TFAP2B: variants seen among roughly 807,000 people sequenced by gnomAD.
TFAP2B encodes transcription factor AP-2 beta.
A neutral mutation model predicts 44.3 loss-of-function variants in TFAP2B; 9 were observed. The observed-to-expected ratio is 0.20, with a 90% CI of 0.12 to 0.35. The LOEUF is 0.35. Among genes scored for constraint, TFAP2B ranks in the 10% least tolerant of loss-of-function variants. The pLI is 1.00. For missense variants in TFAP2B, 509 were observed against 600.0 expected (o/e 0.85, Z 1.59); for synonymous variants, 270 against 263.8 (o/e 1.02, Z -0.23).
intron 3 of TFAP2B, among the ~76,000 whole-genome samples, chr6:50,834,968 A>G (rs557828976): frequency 7.2e-5 from 11 of 152,348 alleles, no homozygotes; most frequent in African/African-American, 1.4e-4. Flanking sequence ...GTGAAGTCCA[A>G]GGGAAAATAC....
chr6:50,838,202 C>A, intron 5 of TFAP2B, 109 bp downstream of exon 5: 2 of 959,496 alleles, frequency 2.1e-6, no homozygotes, highest in Non-Finnish European at 3.4e-6. Context: ...GATTGTTGTG[C>A]TCTTATGAGC....
chr6:50,818,706 T>G (rs1344561497), upstream of TFAP2B: 1 of 605,432 alleles, frequency 1.7e-6, no homozygotes. Context: ...ATCTAACTCC[T>G]GTGTGTGCAA....
intron 1 of TFAP2B, among the ~76,000 whole-genome samples, chr6:50,822,814 A>C (rs912205675): frequency 6.6e-6 from 1 of 152,202 alleles, no homozygotes; most frequent in Non-Finnish European, 1.5e-5. Context: ...GGGAACTCAG[A>C]CCAGGTGGAT....
intron 5 of TFAP2B, among the ~76,000 whole-genome samples, chr6:50,838,316 C>T (rs981186547): frequency 3.3e-5 from 5 of 152,160 alleles, no homozygotes; most frequent in Non-Finnish European, 7.4e-5. Flanking sequence ...TTCCTGTGCT[C>T]TGAAAAGTGC....
chr6:50,828,013 G>A (rs1211530014), intron 2 of TFAP2B, among the ~76,000 whole-genome samples: 1 of 152,180 alleles, frequency 6.6e-6, no homozygotes, highest in East Asian at 1.9e-4. Context: ...CTGGGAGGGA[G>A]GGTAAATTGT....
In TFAP2B at chr6:50,828,557, A is replaced by G; in HGVS notation, c.541-62A>G. ...AGAAACTCCAGTTTGGAATAACATG[A>G]TTTATGTGTGCAATTCTTTAATATC... On this transcript the variant is annotated intron_variant, in intron 2 of 6. Transcript: ENST00000393655. 3 of 1,452,460 alleles carry G rather than the reference A, an allele frequency of 2.1e-6. No individual in the cohort carries two copies. The South Asian group carries it at 3.5e-5, about 17-fold the overall frequency. 90.0% of individuals were successfully genotyped at this position (1,452,460 alleles called of 1,614,324 possible). A position where few individuals can be genotyped will look rare whatever the true frequency, so the allele number is the denominator to read the frequency against.
rs1762800652 is a variant in TFAP2B at position 50,844,440 on chromosome 6, T to C, written c.*1048T>C. 1 of 152,626 alleles carries C rather than the reference T, an allele frequency of 6.6e-6. No homozygotes were observed. The highest frequency in any genetic ancestry group is 2.4e-5 in the African/African-American group (1 of 41,438). 9.5% of individuals were successfully genotyped at this position (152,626 alleles called of 1,614,324 possible). On this transcript the variant is annotated 3_prime_UTR_variant, in exon 7 of 7. Coordinates refer to ENST00000393655, the MANE Select transcript of TFAP2B (RefSeq NM_003221.4). Reference sequence around the variant, plus strand: ...TTCTTCAAAGAGGACTTGGGCTTCCTACACAATCTATAAGGTACAGAGAAA... The same window carrying C: ...TTCTTCAAAGAGGACTTGGGCTTCCCACACAATCTATAAGGTACAGAGAAA...
rs1041347331 is a variant in TFAP2B, at chr6:50,843,709, A to C, written c.*317A>C. On this transcript the variant is annotated 3_prime_UTR_variant, in exon 7 of 7. Transcript: ENST00000393655. ...ACCATGATTTCCCCTTCCCTTTGGA[A>C]AATAAACATAAGACTAAACATGAGA... The C allele has an allele frequency of 6.2e-5, 17 of 273,600 alleles. No individual in the cohort carries two copies. Among genetic ancestry groups the C allele is most frequent in the African/African-American group, 3.8e-4 (17 of 44,334 alleles). The allele number at this position is 273,600 out of a possible 1,614,324, so 16.9% of individuals were successfully genotyped here. A position where few individuals can be genotyped will look rare whatever the true frequency, so the allele number is the denominator to read the frequency against.
intron 2 of TFAP2B, among the ~76,000 whole-genome samples, chr6:50,825,953 C>A (rs533107191): frequency 6.6e-6 from 1 of 152,252 alleles, no homozygotes; most frequent in East Asian, 1.9e-4. Flanking sequence ...GATGACAGAC[C>A]TCCCAAGGCC....
intron 5 of TFAP2B, 60 bp downstream of exon 5, chr6:50,838,153 G>A: frequency 8.0e-7 from 1 of 1,242,474 alleles, no homozygotes; most frequent in Non-Finnish European, 1.2e-6. Context: ...GCTGGAGGCT[G>A]ACATTTTACA....
intron 3 of TFAP2B, among the ~76,000 whole-genome samples, chr6:50,835,647 T>C (rs1762604175): frequency 6.6e-6 from 1 of 152,120 alleles, no homozygotes; most frequent in Non-Finnish European, 1.5e-5. Flanking sequence ...CAGCACCAAA[T>C]GAGATAGGCA....
chr6:50,836,147 T>C lies in TFAP2B; in HGVS notation c.688T>C (p.Phe230Leu). The part of the protein sequence containing the change: ...GGMSVNTGEV[F>L]CSVPGRLSLL... Reference sequence around the variant, plus strand: ...CATGTCTGTCAACACCGGCGAGGTGTTTTGCTCCGTCCCAGGCCGTTTGTC... The same window carrying C: ...CATGTCTGTCAACACCGGCGAGGTGCTTTGCTCCGTCCCAGGCCGTTTGTC... The change falls in exon 4 of 7, where the codon TTT becomes CTT. Residue 230 changes from phenylalanine (F) to leucine (L), a missense_variant. By Grantham distance (22) the Phe-to-Leu change is conservative. This residue lies in a region of TFAP2B where 296 missense variants were observed against 308.2 expected (regional missense o/e 0.96). Coordinates refer to ENST00000393655, the MANE Select transcript of TFAP2B (RefSeq NM_003221.4). The C allele has an allele frequency of 6.2e-7, 1 of 1,614,096 alleles. No individual in the cohort carries two copies.
rs965191283 is a variant in TFAP2B, at chr6:50,837,735, CT to C, written c.822-231del. Among the ~76,000 whole-genome samples the C allele has an allele frequency of 8.6e-5, 13 of 151,314 alleles. No homozygotes were observed. In the East Asian group the frequency reaches 9.7e-4, roughly 11 times the overall value. On this transcript the variant is annotated intron_variant, in intron 4 of 6. Coordinates refer to ENST00000393655, the MANE Select transcript of TFAP2B (RefSeq NM_003221.4). ...CACCTAATTATTCCCATCTGGTATC[CT>C]TTTTTTTTCTTTTCTCACAAGATAA... is the stretch of plus-strand genomic sequence containing the variant.
At chr6:50,825,615 T>G (rs1770480912) in intron 2 of TFAP2B, among the ~76,000 whole-genome samples, 1 of 152,190 alleles carries the variant, frequency 6.6e-6, no homozygotes, top group Non-Finnish European at 1.5e-5. Context: ...CAGTGCACAT[T>G]TGGGAGAATA....
At position 50,828,664 on chromosome 6, in the gene TFAP2B, T is replaced by A. The variant is rs1249433036; in HGVS notation, c.586T>A (p.Ser196Thr). ...CAGCGGCATGAATCTATTGGACCAGTCTGTCATTAAAAAAGGTATGGATAA... is the reference window on the plus strand; with the variant it reads ...CAGCGGCATGAATCTATTGGACCAGACTGTCATTAAAAAAGGTATGGATAA... ...NNSGMNLLDQ[S>T]VIKKVPVPPK... The change falls in exon 3 of 7, where the codon TCT (serine) becomes ACT (threonine). Residue 196 changes from serine to threonine, a missense_variant. Transcript: ENST00000393655. The A allele has an allele frequency of 1.2e-6, 2 of 1,614,088 alleles. No individual in the cohort carries two copies. The highest frequency in any genetic ancestry group is 1.7e-6 in the Non-Finnish European group (2 of 1,179,974).
chr6:50,837,875 A>G lies in TFAP2B; in HGVS notation c.822-100A>G. 9 of 979,078 alleles carry G rather than the reference A, an allele frequency of 9.2e-6. No homozygotes were observed. The South Asian group carries it at 1.0e-4, about 11-fold the overall frequency. The allele number at this position is 979,078 out of a possible 1,614,324, so 60.6% of individuals were successfully genotyped here. A position where few individuals can be genotyped will look rare whatever the true frequency, so the allele number is the denominator to read the frequency against. On this transcript the variant is annotated intron_variant, in intron 4 of 6. Transcript: ENST00000393655. ...GGGAAAAATGTGCTAACCTCAAGTTAAAACCTCTTCAAGCTCCACTGGGCT... is the reference window on the plus strand; with the variant it reads ...GGGAAAAATGTGCTAACCTCAAGTTGAAACCTCTTCAAGCTCCACTGGGCT...
chr6:50,820,873 G>A (rs780099713), intron 1 of TFAP2B, among the ~76,000 whole-genome samples: 11 of 151,880 alleles, frequency 7.2e-5, no homozygotes, highest in Non-Finnish European at 1.0e-4. Flanking sequence ...AGAAAGGAGG[G>A]AGGGAGAGAG....
At chr6:50,842,372 A>G (rs1762749841) in intron 6 of TFAP2B, among the ~76,000 whole-genome samples, 1 of 152,214 alleles carries the variant, frequency 6.6e-6, no homozygotes, top group African/African-American at 2.4e-5. Context: ...ATAAAAATCT[A>G]TCCTCCCTAG....
rs1440685405 is a variant in TFAP2B at position 50,840,306 on chromosome 6, A to G, written c.1082+9A>G. ...ATGCTGTTGGCCACCAAGTGAGTTT[A>G]TTAGACTCTGGGCCCTCATCTCACT... On this transcript the variant is annotated intron_variant, in intron 6 of 6. Coordinates refer to ENST00000393655, the MANE Select transcript of TFAP2B (RefSeq NM_003221.4). 1 of 1,613,332 alleles carries G rather than the reference A, an allele frequency of 6.2e-7. No individual in the cohort carries two copies. The highest frequency in any genetic ancestry group is 8.5e-7 in the Non-Finnish European group (1 of 1,180,028).
Sources: allele counts gnomAD v4.1 joint callset (sites outside exome capture counted in the v4.1 genomes callset), GRCh38; gene constraint gnomAD v4.1.1; regional missense constraint gnomAD v4.1.1; transcripts MANE v1.5; gene names NCBI Gene and HGNC (gene_info 2026-07-23, HGNC 2026-07-21).